TINAG: variants seen among roughly 807,000 people sequenced by gnomAD.
The protein encoded by TINAG is tubulointerstitial nephritis antigen.
TINAG carries 83 observed loss-of-function variants against 72.7 expected under a neutral mutation model. That is an observed-to-expected ratio of 1.14 (90% CI 0.96 to 1.37). The LOEUF is 1.37. Among genes scored for constraint, TINAG ranks in the 40% most tolerant of loss-of-function variants. The pLI is 0.00. For synonymous variants in TINAG, 234 were observed against 189.9 expected (o/e 1.23, Z -1.91); for missense variants, 685 against 576.6 (o/e 1.19, Z -1.93).
chr6:54,344,584 A>G (rs1785075964), intron 5 of TINAG, among the ~76,000 whole-genome samples: 1 of 152,180 alleles, frequency 6.6e-6, no homozygotes, highest in African/African-American at 2.4e-5. Flanking sequence ...CTAGATCTAT[A>G]AGAATTTTGC....
chr6:54,309,947 A>G (rs191400515), intron 1 of TINAG, among the ~76,000 whole-genome samples: 119 of 151,742 alleles, frequency 7.8e-4, no homozygotes, highest in Middle Eastern at 6.9e-3. Flanking sequence ...CATACGTATT[A>G]TTTTAAATTT....
rs904286090 is a variant in TINAG at position 54,366,632 on chromosome 6, C to A, written c.1250+11996C>A. On this transcript the variant is annotated intron_variant, in intron 9 of 10. Coordinates refer to ENST00000259782, the MANE Select transcript of TINAG (RefSeq NM_014464.4). ...AGAGAGAGAGAGAGAGAAGAAAGTG[C>A]CAATGTCCAATGTCTTAAGTGTGTA... is the stretch of plus-strand genomic sequence containing the variant. 4.2e-4 allele frequency among the ~76,000 whole-genome samples: 63 copies of A among 149,728 alleles called. No homozygotes were observed. In the Admixed American group the frequency reaches 4.2e-3, roughly 10 times the overall value.
chr6:54,323,102 G>A (rs1369390121), intron 3 of TINAG, among the ~76,000 whole-genome samples: 2 of 152,204 alleles, frequency 1.3e-5, no homozygotes, highest in Non-Finnish European at 2.9e-5. Flanking sequence ...TTGGAAGGAG[G>A]AACTTTCTTT....
chr6:54,320,804 T>C (rs548219568), intron 2 of TINAG, among the ~76,000 whole-genome samples, 162 bp downstream of exon 2: 1 of 152,296 alleles, frequency 6.6e-6, no homozygotes, highest in African/African-American at 2.4e-5. Context: ...GCATATTTAA[T>C]TTTAAGGGAT....
Position 54,327,449 on chromosome 6 carries a change from G to A in TINAG, c.624+533G>A, listed in dbSNP as rs150926609. 5.3e-3 allele frequency among the ~76,000 whole-genome samples: 809 copies of A among 152,214 alleles called. 12 individuals carry two copies. Among genetic ancestry groups the A allele is most frequent in the African/African-American group, 0.017 (699 of 41,530 alleles). On this transcript the variant is annotated intron_variant, in intron 4 of 10. Coordinates refer to ENST00000259782, the MANE Select transcript of TINAG (RefSeq NM_014464.4). ...TTACTATGCTTTTCCCATGGTCTTCGCAATCCGCAAACCAGGAGATTCCCT... is the reference window on the plus strand; with the variant it reads ...TTACTATGCTTTTCCCATGGTCTTCACAATCCGCAAACCAGGAGATTCCCT...
chr6:54,330,392 G>A (rs957844594), intron 4 of TINAG, among the ~76,000 whole-genome samples: 1 of 152,116 alleles, frequency 6.6e-6, no homozygotes, highest in African/African-American at 2.4e-5. Context: ...AAATAAATAA[G>A]TTCTTTGAAA....
intron 3 of TINAG, among the ~76,000 whole-genome samples, chr6:54,321,639 G>C (rs1784493429): frequency 6.6e-6 from 1 of 152,200 alleles, no homozygotes; most frequent in Non-Finnish European, 1.5e-5. Flanking sequence ...GGTAAGGGAA[G>C]TGGAGGGAAA....
intron 4 of TINAG, among the ~76,000 whole-genome samples, chr6:54,333,582 G>C (rs1252674530): frequency 1.3e-5 from 2 of 151,462 alleles, no homozygotes; most frequent in Admixed American, 6.6e-5. Flanking sequence ...AAACCTGCAC[G>C]TTCTACACAT....
At chr6:54,316,571 GC>G (rs1356631391) in intron 1 of TINAG, among the ~76,000 whole-genome samples, 1 of 152,160 alleles carries the variant, frequency 6.6e-6, no homozygotes, top group Non-Finnish European at 1.5e-5. Context: ...GCAAGCAACT[GC>G]CTTTACTTTA....
At chr6:54,381,291 A>G (rs1763941977) in intron 10 of TINAG, among the ~76,000 whole-genome samples, 1 of 151,798 alleles carries the variant, frequency 6.6e-6, no homozygotes. Flanking sequence ...AGATTGGAAC[A>G]TATTACCTCA....
intron 8 of TINAG, among the ~76,000 whole-genome samples, chr6:54,353,757 T>C (rs1002581906): frequency 6.6e-6 from 1 of 151,846 alleles, no homozygotes; most frequent in Admixed American, 6.6e-5. Context: ...AAAATGCTTG[T>C]CAAATTAAGA....
intron 10 of TINAG, among the ~76,000 whole-genome samples, chr6:54,388,250 G>A (rs1264474404): frequency 1.3e-5 from 2 of 152,060 alleles, no homozygotes; most frequent in East Asian, 1.9e-4. Context: ...TATTTCACTG[G>A]TGCTAGAACT....
chr6:54,385,411 T>C (rs1055946983), intron 10 of TINAG, among the ~76,000 whole-genome samples: 1 of 151,754 alleles, frequency 6.6e-6, no homozygotes, highest in Admixed American at 6.6e-5. Flanking sequence ...TGGATAAATT[T>C]ATCAGAAAAC....
chr6:54,326,789 A>T lies in TINAG; in HGVS notation c.510-13A>T. On this transcript the variant is annotated splice_polypyrimidine_tract_variant and intron_variant, in intron 3 of 10. Coordinates refer to ENST00000259782, the MANE Select transcript of TINAG (RefSeq NM_014464.4). ...ATATATTTTTCTATATTTTTCTCTC[A>T]TTTGTAAGGCAGATGGACAGCACAG... 2 of 1,570,928 alleles carry T rather than the reference A, an allele frequency of 1.3e-6. No homozygotes were observed. The highest frequency in any genetic ancestry group is 2.8e-5 in the African/African-American group (2 of 72,618).
At position 54,343,362 on chromosome 6, in the gene TINAG, T is replaced by A. The variant is rs776126511; in HGVS notation, c.748+13T>A. On this transcript the variant is annotated intron_variant, in intron 5 of 10. Transcript: ENST00000259782. ...TTTTCCACTGCAAGTAATAAAGTCA[T>A]TTTAATTCCTTCCTTATAAACTACT... is the stretch of plus-strand genomic sequence containing the variant. 1 of 1,504,626 alleles carries A rather than the reference T, an allele frequency of 6.6e-7. No individual in the cohort carries two copies. 93.2% of individuals were successfully genotyped at this position (1,504,626 alleles called of 1,614,324 possible). A position where few individuals can be genotyped will look rare whatever the true frequency, so the allele number is the denominator to read the frequency against.
At chr6:54,321,033 C>T (rs918416551) in intron 2 of TINAG, among the ~76,000 whole-genome samples, 3 of 152,156 alleles carry the variant, frequency 2.0e-5, no homozygotes, top group African/African-American at 4.8e-5. Context: ...TACATTGAAT[C>T]TACTGTCCAA....
intron 9 of TINAG, among the ~76,000 whole-genome samples, chr6:54,361,130 T>G (rs920522409): frequency 2.0e-5 from 3 of 151,418 alleles, no homozygotes; most frequent in African/African-American, 7.3e-5. Context: ...ATGTTCTAAC[T>G]CTTCTATCAA....
intron 9 of TINAG, chr6:54,367,132 G>T (rs1015704092): frequency 9.9e-5 from 15 of 151,672 alleles, no homozygotes; most frequent in African/African-American, 3.4e-4. Context: ...ATTCTAAGAC[G>T]TGTTCATGTG....
chr6:54,388,591 G>A (rs1380118668), intron 10 of TINAG, among the ~76,000 whole-genome samples: 1 of 152,068 alleles, frequency 6.6e-6, no homozygotes, highest in Non-Finnish European at 1.5e-5. Flanking sequence ...GAGTGTGAGA[G>A]CTGTTGAGGT....
Sources: gnomAD v4.1 joint callset for allele counts (sites outside exome capture counted in the v4.1 genomes callset) on GRCh38, gnomAD v4.1.1 for gene constraint, MANE v1.5 for transcripts, NCBI Gene and HGNC (gene_info 2026-07-23, HGNC 2026-07-21) for gene names.